The following CLINT1 variants were observed in gnomAD, a reference collection of about 807,000 sequenced individuals.
CLINT1 encodes the protein clathrin interacting protein localized in the trans-Golgi region.
A neutral mutation model predicts 70.4 loss-of-function variants in CLINT1; 15 were observed. The ratio of observed to expected loss-of-function variants is 0.21; its 90% CI spans 0.14 to 0.33. CLINT1 has a LOEUF of 0.33. Ranked by LOEUF, CLINT1 falls within the 10% of genes least tolerant of loss-of-function variation. CLINT1 has a pLI of 1.00. For synonymous variants in CLINT1, 227 were observed against 254.7 expected (o/e 0.89, Z 1.04); for missense variants, 615 against 778.1 (o/e 0.79, Z 2.49).
intron 8 of CLINT1, among the ~76,000 whole-genome samples, chr5:157,800,954 G>A (rs1762193956): frequency 1.3e-5 from 2 of 152,242 alleles, no homozygotes; most frequent in Middle Eastern, 3.4e-3. Flanking sequence ...CATGAAAGGG[G>A]CCCTTTAAAT....
chr5:157,853,448 G>A (rs1405367284), intron 1 of CLINT1, among the ~76,000 whole-genome samples: 1 of 151,896 alleles, frequency 6.6e-6, no homozygotes, highest in Non-Finnish European at 1.5e-5. Context: ...AAAAGGCTAA[G>A]TACTTTCAAT....
intron 8 of CLINT1, among the ~76,000 whole-genome samples, chr5:157,799,058 T>C (rs1032412490): frequency 4.6e-5 from 7 of 152,068 alleles, no homozygotes; most frequent in Non-Finnish European, 1.0e-4. Flanking sequence ...ATCTGCCACA[T>C]AATAAATGCT....
chr5:157,830,786 CTCTCTCTCTCTATATA>C (rs1437386697), intron 1 of CLINT1, among the ~76,000 whole-genome samples: 2 of 132,546 alleles, frequency 1.5e-5, no homozygotes, highest in East Asian at 4.9e-4. Flanking sequence ...CTCTCTCTCT[CTCTCTCTCTCTATATA>C]TATATATATA....
chr5:157,787,879 T>C lies in CLINT1; in HGVS notation c.1645A>G (p.Met549Val), dbSNP rs766645747. 3.1e-6 allele frequency: 5 copies of C among 1,613,798 alleles called. No individual in the cohort carries two copies. In the Admixed American group the frequency reaches 5.0e-5, roughly 16 times the overall value. ...ATCACATTGGGCATGCTCATAGGCATGGGTCCCCCTATCAAAGCATTAGTT... is the reference window on the plus strand; with the variant it reads ...ATCACATTGGGCATGCTCATAGGCACGGGTCCCCCTATCAAAGCATTAGTT... Reference protein sequence around the residue: ...PQTNALIGGPMPMSMPNVMTG... With the variant: ...PQTNALIGGPVPMSMPNVMTG... Residue 549 changes from methionine to valine, a missense_variant, in exon 12 of 12, where the codon ATG becomes GTG. By Grantham distance (21) the Met-to-Val change is conservative (BLOSUM62 1). Transcript: ENST00000411809.
chr5:157,794,774 T>C, intron 9 of CLINT1, 124 bp downstream of exon 9: 3 of 709,840 alleles, frequency 4.2e-6, no homozygotes, highest in Non-Finnish European at 7.2e-6. Flanking sequence ...GAATAAATTC[T>C]TTAGGAATTA....
chr5:157,794,990 G>A lies in CLINT1; in HGVS notation c.1013-18C>T. Reference sequence around the variant, plus strand: ...TGATCCTCCTAGAAGTTAAGAAAAAGTTAAAACTGTTAGAACTAGAGAAAA... The same window carrying A: ...TGATCCTCCTAGAAGTTAAGAAAAAATTAAAACTGTTAGAACTAGAGAAAA... On this transcript the variant is annotated intron_variant, in intron 8 of 11. Transcript: ENST00000411809. The A allele has an allele frequency of 6.5e-7, 1 of 1,540,838 alleles. No individual in the cohort carries two copies.
intron 11 of CLINT1, 89 bp from the exon 12 acceptor site, chr5:157,788,081 C>G: frequency 1.0e-6 from 1 of 991,362 alleles, no homozygotes; most frequent in Non-Finnish European, 1.6e-6. Context: ...GACCATCTAT[C>G]TATACTTCTT....
chr5:157,788,164 T>C lies in CLINT1; in HGVS notation c.1532-172A>G, dbSNP rs552088842. The C allele has an allele frequency of 2.6e-5, 17 of 661,916 alleles. No homozygotes were observed. The South Asian group carries it at 3.0e-4, about 12-fold the overall frequency. The allele number at this position is 661,916 out of a possible 1,614,324, so 41.0% of individuals were successfully genotyped here. A position where few individuals can be genotyped will look rare whatever the true frequency, so the allele number is the denominator to read the frequency against. On this transcript the variant is annotated intron_variant, in intron 11 of 11. Coordinates refer to ENST00000411809, the MANE Select transcript of CLINT1 (RefSeq NM_014666.4). ...CTCTGCACTGGTTCCTCTTGAGACATATATTCAGTGACTATTGGCTCTGGT... is the reference window on the plus strand; with the variant it reads ...CTCTGCACTGGTTCCTCTTGAGACACATATTCAGTGACTATTGGCTCTGGT...
intron 1 of CLINT1, among the ~76,000 whole-genome samples, chr5:157,853,279 G>A (rs1753635048): frequency 6.6e-6 from 1 of 151,772 alleles, no homozygotes; most frequent in African/African-American, 2.4e-5. Context: ...GCAGAGGCCA[G>A]TCGCAGTGAG....
chr5:157,815,030 CA>C (rs572736166), intron 3 of CLINT1, among the ~76,000 whole-genome samples: 2,027 of 51,650 alleles, frequency 0.039, 10 homozygotes, highest in Non-Finnish European at 0.05. Flanking sequence ...AACTCTGTCT[CA>C]AAAAAAAAAA....
intron 1 of CLINT1, among the ~76,000 whole-genome samples, chr5:157,829,499 G>A (rs568149677): frequency 1.3e-5 from 2 of 152,072 alleles, no homozygotes; most frequent in Admixed American, 6.6e-5. Flanking sequence ...TATTTTAATG[G>A]TGCATTGTGA....
intron 3 of CLINT1, among the ~76,000 whole-genome samples, chr5:157,816,226 T>C (rs1762717680): frequency 6.6e-6 from 1 of 152,150 alleles, no homozygotes; most frequent in Non-Finnish European, 1.5e-5. Flanking sequence ...GAAGCATAGA[T>C]GACTATATTA....
intron 1 of CLINT1, among the ~76,000 whole-genome samples, chr5:157,827,136 ATT>A (rs554376044): frequency 3.3e-5 from 5 of 151,990 alleles, no homozygotes; most frequent in Non-Finnish European, 5.9e-5. Flanking sequence ...AAATCTTAAA[ATT>A]TTTTTTCCAA....
Position 157,790,188 on chromosome 5 carries a change from G to C in CLINT1, c.1381-675C>G, listed in dbSNP as rs113189881. ...TGCACTCCAGCCTGGGCGACAGAGC[G>C]AGACTCTGTTTCAAAACAACAAAAC... On this transcript the variant is annotated intron_variant, in intron 10 of 11. Transcript: ENST00000411809. The C allele has an allele frequency of 6.7e-3, 1,094 of 162,390 alleles. 13 individuals are homozygous for C. Among genetic ancestry groups the C allele is most frequent in the African/African-American group, 0.025 (1,042 of 41,614 alleles). 10.1% of individuals were successfully genotyped at this position (162,390 alleles called of 1,614,324 possible).
chr5:157,833,312 A>G (rs932166384), intron 1 of CLINT1, among the ~76,000 whole-genome samples: 4 of 151,902 alleles, frequency 2.6e-5, no homozygotes, highest in African/African-American at 4.8e-5. Flanking sequence ...GATCATGCCA[A>G]TGCACTTCAG....
intron 1 of CLINT1, among the ~76,000 whole-genome samples, chr5:157,841,565 C>CA (rs370894957): frequency 1.8e-4 from 27 of 149,306 alleles, no homozygotes; most frequent in East Asian, 7.9e-4. Flanking sequence ...GACTCAATCT[C>CA]AAAAAAAAAG....
chr5:157,847,738 T>C (rs750846676), intron 1 of CLINT1, among the ~76,000 whole-genome samples: 2 of 152,188 alleles, frequency 1.3e-5, no homozygotes, highest in Non-Finnish European at 2.9e-5. Flanking sequence ...TTGCTTCTTC[T>C]AGATGAGCAA....
chr5:157,838,636 A>C (rs1487640001), intron 1 of CLINT1, among the ~76,000 whole-genome samples: 2 of 152,226 alleles, frequency 1.3e-5, no homozygotes, highest in Non-Finnish European at 1.5e-5. Context: ...TGAGACTCTT[A>C]AATTACTCAG....
rs536112166 is a variant in CLINT1, at chr5:157,798,579, CA to C, written c.1013-3608del. Among the ~76,000 whole-genome samples, 132 of 150,712 alleles carry C rather than the reference CA, an allele frequency of 8.8e-4. 1 individual carries two copies. The highest frequency in any genetic ancestry group is 6.8e-3 in the Middle Eastern group (2 of 294). On this transcript the variant is annotated intron_variant, in intron 8 of 11. Coordinates refer to ENST00000411809, the MANE Select transcript of CLINT1 (RefSeq NM_014666.4). Reference sequence around the variant, plus strand: ...ACAACATTAAAGCAATGGCAAAGTGCAAAAAAAATGTAAATACATGACAAAG... The same window carrying C: ...ACAACATTAAAGCAATGGCAAAGTGCAAAAAAATGTAAATACATGACAAAG...
Sources: allele counts gnomAD v4.1 joint callset (sites outside exome capture counted in the v4.1 genomes callset), GRCh38; gene constraint gnomAD v4.1.1; transcripts MANE v1.5; gene names NCBI Gene and HGNC (gene_info 2026-07-23, HGNC 2026-07-21).